RHOBTB3: variants seen among roughly 807,000 people sequenced by gnomAD.
RHOBTB3 encodes Rho related BTB domain containing 3.
A neutral mutation model predicts 67.2 loss-of-function variants in RHOBTB3; 47 were observed. The observed-to-expected ratio is 0.70, with a 90% confidence interval of 0.55 to 0.89. RHOBTB3 has a LOEUF of 0.89. RHOBTB3 is among the 40% of genes least tolerant of loss of function. The pLI is 0.00. For missense variants in RHOBTB3, 631 were observed against 750.0 expected (o/e 0.84, Z 1.85); for synonymous variants, 273 against 274.2 (o/e 1.00, Z 0.04).
chr5:95,776,159 C>T (rs1029836492), intron 8 of RHOBTB3, among the ~76,000 whole-genome samples: 1 of 152,114 alleles, frequency 6.6e-6, no homozygotes, highest in Non-Finnish European at 1.5e-5. Flanking sequence ...GTAATCCCAG[C>T]ACTTTTGGAG....
intron 8 of RHOBTB3, among the ~76,000 whole-genome samples, chr5:95,772,476 C>A (rs914942541): frequency 6.6e-6 from 1 of 152,056 alleles, no homozygotes; most frequent in Non-Finnish European, 1.5e-5. Flanking sequence ...ATGTTTTAGA[C>A]CTTTGTCTGC....
intron 6 of RHOBTB3, among the ~76,000 whole-genome samples, chr5:95,761,135 A>G (rs567707326): frequency 1.4e-4 from 21 of 152,130 alleles, no homozygotes; most frequent in African/African-American, 4.8e-4. Context: ...GAGATATTTT[A>G]TAGGTGTTTT....
intron 4 of RHOBTB3, among the ~76,000 whole-genome samples, chr5:95,752,011 T>TA (rs1412670561): frequency 6.6e-6 from 1 of 152,258 alleles, no homozygotes; most frequent in Non-Finnish European, 1.5e-5. Context: ...GAATGATTAA[T>TA]AACAATTCCT....
intron 6 of RHOBTB3, among the ~76,000 whole-genome samples, chr5:95,761,756 C>T (rs929380770): frequency 5.3e-5 from 8 of 152,190 alleles, no homozygotes; most frequent in African/African-American, 1.9e-4. Context: ...TTATAATACA[C>T]AGGTATGGTT....
At chr5:95,769,528 C>T (rs1314580749) in intron 8 of RHOBTB3, 1 of 174,668 alleles carries the variant, frequency 5.7e-6, no homozygotes, top group Non-Finnish European at 1.2e-5. Context: ...ATAATTTCTG[C>T]AAATAGAGAC....
At chr5:95,759,853 A>G (rs1745347618) in intron 6 of RHOBTB3, among the ~76,000 whole-genome samples, 1 of 152,106 alleles carries the variant, frequency 6.6e-6, no homozygotes, top group South Asian at 2.1e-4. Context: ...TGGGTTGGTA[A>G]AGCAGAGGTT....
chr5:95,752,837 G>A (rs552362221), intron 5 of RHOBTB3, among the ~76,000 whole-genome samples: 53 of 152,222 alleles, frequency 3.5e-4, no homozygotes, highest in Middle Eastern at 3.4e-3. Context: ...AGGAGATGAA[G>A]GTGAACGTAG....
At chr5:95,752,429 T>G in intron 5 of RHOBTB3, 79 bp downstream of exon 5, 1 of 972,168 alleles carries the variant, frequency 1.0e-6, no homozygotes, top group Non-Finnish European at 1.6e-6. Context: ...GAGCAATTAT[T>G]CTCAAACTTG....
intron 7 of RHOBTB3, among the ~76,000 whole-genome samples, chr5:95,764,267 A>T (rs1164502934): frequency 6.6e-6 from 1 of 152,212 alleles, no homozygotes; most frequent in Non-Finnish European, 1.5e-5. Flanking sequence ...GTCCAGGTAC[A>T]GTTAAGGTTA....
intron 3 of RHOBTB3, among the ~76,000 whole-genome samples, chr5:95,738,230 G>A (rs1322287358): frequency 6.6e-6 from 1 of 152,120 alleles, no homozygotes; most frequent in Non-Finnish European, 1.5e-5. Flanking sequence ...ACCTACCCGT[G>A]ACCCCATATC....
At chr5:95,741,443 CA>C (rs1265001562) in intron 3 of RHOBTB3, among the ~76,000 whole-genome samples, 10 of 150,480 alleles carry the variant, frequency 6.6e-5, no homozygotes, top group Non-Finnish European at 1.5e-4. Context: ...GTCTTTTAAC[CA>C]ATCCAGGATG....
At chr5:95,741,570 T>C (rs1189015934) in intron 3 of RHOBTB3, among the ~76,000 whole-genome samples, 1 of 90,712 alleles carries the variant, frequency 1.1e-5, no homozygotes, top group East Asian at 8.0e-4. Context: ...CTGTGTTGCC[T>C]AGGCTGGTCT....
At chr5:95,786,865 A>G (rs1459989059) in intron 10 of RHOBTB3, among the ~76,000 whole-genome samples, 1 of 152,202 alleles carries the variant, frequency 6.6e-6, no homozygotes, top group Non-Finnish European at 1.5e-5. Context: ...TAGTTTTTAC[A>G]GTGAGACATG....
At chr5:95,737,122 T>C in intron 3 of RHOBTB3, 47 bp downstream of exon 3, 1 of 1,253,154 alleles carries the variant, frequency 8.0e-7, no homozygotes. Flanking sequence ...AAATATTATA[T>C]ATACTTTAAA....
At chr5:95,778,027 C>T (rs1277103608) in intron 8 of RHOBTB3, among the ~76,000 whole-genome samples, 3 of 151,594 alleles carry the variant, frequency 2.0e-5, no homozygotes, top group Non-Finnish European at 2.9e-5. Flanking sequence ...GGCTGAGGCA[C>T]GAGAATCATT....
At chr5:95,728,765 C>T (rs1372295938), upstream of RHOBTB3, among the ~76,000 whole-genome samples, 1 of 152,134 alleles carries the variant, frequency 6.6e-6, no homozygotes, top group African/African-American at 2.4e-5. Context: ...TTCTTAGCCA[C>T]AGGATGAGAT....
At chr5:95,756,926 T>G (rs1049263235) in intron 6 of RHOBTB3, among the ~76,000 whole-genome samples, 2 of 152,210 alleles carry the variant, frequency 1.3e-5, no homozygotes, top group African/African-American at 4.8e-5. Context: ...CATAAAATAT[T>G]CCAAGAGTAA....
At chr5:95,771,634 G>A (rs1745717912) in intron 8 of RHOBTB3, among the ~76,000 whole-genome samples, 1 of 152,140 alleles carries the variant, frequency 6.6e-6, no homozygotes, top group Non-Finnish European at 1.5e-5. Flanking sequence ...TGATTTATTT[G>A]TTGCCTAAAT....
rs974438396 is a variant in RHOBTB3 at position 95,783,651 on chromosome 5, G to A, written c.1457-146G>A. ...AAAAGTGCAGAATGCTGACTCCCTC[G>A]AGGCTTTTCCTAACCATTCTATTCT... On this transcript the variant is annotated intron_variant, in intron 9 of 11. Coordinates refer to ENST00000379982, the MANE Select transcript of RHOBTB3 (RefSeq NM_014899.4). The A allele has an allele frequency of 2.8e-5, 14 of 499,370 alleles. No homozygotes were observed. The East Asian group carries it at 3.3e-4, about 12-fold the overall frequency. 30.9% of individuals were successfully genotyped at this position (499,370 alleles called of 1,614,324 possible). A position where few individuals can be genotyped will look rare whatever the true frequency, so the allele number is the denominator to read the frequency against.
Sources: allele counts gnomAD v4.1 joint callset (sites outside exome capture counted in the v4.1 genomes callset), GRCh38; gene constraint gnomAD v4.1.1; transcripts MANE v1.5; gene names NCBI Gene and HGNC (gene_info 2026-07-23, HGNC 2026-07-21).